VRK2: variants seen among roughly 807,000 people sequenced by gnomAD.
VRK2 encodes serine/threonine-protein kinase VRK2.
A neutral mutation model predicts 57.6 loss-of-function variants in VRK2; 60 were observed. The observed-to-expected ratio is 1.04, with a 90% CI of 0.85 to 1.29. The LOEUF is 1.29. Among genes scored for constraint, VRK2 ranks in the 50% most tolerant of loss-of-function variants. The probability of loss-of-function intolerance (pLI) is 0.00; values close to 1 mark genes in which losing one functional copy is unlikely to be tolerated. For missense variants in VRK2, 705 were observed against 588.1 expected, an observed-to-expected ratio of 1.20 and a Z score of -2.06; for synonymous variants, 231 against 199.2, an observed-to-expected ratio of 1.16 and a Z score of -1.35.
chr2:58,097,466 TACA>T (rs1673318168), intron 7 of VRK2, among the ~76,000 whole-genome samples: 1 of 152,170 alleles, frequency 6.6e-6, no homozygotes, highest in Admixed American at 6.6e-5. Context: ...TAGTACTTGC[TACA>T]ACAACAGTAG....
chr2:57,929,888 G>A (rs1179575852), intron 1 of VRK2, among the ~76,000 whole-genome samples: 1 of 152,066 alleles, frequency 6.6e-6, no homozygotes, highest in African/African-American at 2.4e-5. Flanking sequence ...GGGGCTGTTG[G>A]ACTCTGCCTG....
At chr2:58,008,082 C>A (rs999740023) in intron 1 of VRK2, among the ~76,000 whole-genome samples, 3 of 151,960 alleles carry the variant, frequency 2.0e-5, no homozygotes, top group African/African-American at 7.2e-5. Context: ...TTTTAAAGAA[C>A]TATAAGTTGT....
intron 1 of VRK2, among the ~76,000 whole-genome samples, chr2:58,001,363 G>A (rs1673083649): frequency 1.3e-5 from 2 of 152,056 alleles, no homozygotes; most frequent in Non-Finnish European, 2.9e-5. Context: ...TATTTTGTTT[G>A]GATTCATGCA....
chr2:58,120,440 C>T (rs1677304722), intron 7 of VRK2, among the ~76,000 whole-genome samples: 2 of 151,914 alleles, frequency 1.3e-5, no homozygotes, highest in South Asian at 2.1e-4. Context: ...ATCTGCCTAC[C>T]TTGGCCTCCC....
chr2:57,933,214 T>C (rs997743404), intron 1 of VRK2, among the ~76,000 whole-genome samples: 2 of 152,048 alleles, frequency 1.3e-5, no homozygotes, highest in African/African-American at 4.8e-5. Flanking sequence ...CAACATTTTG[T>C]TGTTTATTTT....
At chr2:58,048,219 G>A (rs1675157315) in intron 1 of VRK2, among the ~76,000 whole-genome samples, 2 of 152,204 alleles carry the variant, frequency 1.3e-5, no homozygotes, top group South Asian at 2.1e-4. Context: ...CTGAGAAAGA[G>A]GGTAAGAAGA....
intron 3 of VRK2, among the ~76,000 whole-genome samples, chr2:58,037,305 A>G (rs934946842): frequency 6.6e-6 from 1 of 152,042 alleles, no homozygotes; most frequent in African/African-American, 2.4e-5. Context: ...CAAGGTCTAT[A>G]ATGTCAAGGC....
At chr2:58,125,513 C>T (rs899182877) in intron 8 of VRK2, among the ~76,000 whole-genome samples, 1 of 152,008 alleles carries the variant, frequency 6.6e-6, no homozygotes, top group Non-Finnish European at 1.5e-5. Context: ...GATGGTGTTA[C>T]ATCCCTGGGG....
chr2:58,140,844 A>G (rs1476051822), intron 11 of VRK2, among the ~76,000 whole-genome samples: 3 of 152,074 alleles, frequency 2.0e-5, no homozygotes, highest in African/African-American at 4.8e-5. Context: ...TGACTGTGGT[A>G]TTGACATCTG....
chr2:58,016,040 T>G (rs920486443), intron 1 of VRK2, among the ~76,000 whole-genome samples: 7 of 152,170 alleles, frequency 4.6e-5, no homozygotes, highest in Non-Finnish European at 2.9e-5. Flanking sequence ...CTCCTCCTTT[T>G]TCTTGTTCTA....
At chr2:57,928,321 AG>A (rs1426694247) in intron 1 of VRK2, among the ~76,000 whole-genome samples, 2 of 152,016 alleles carry the variant, frequency 1.3e-5, no homozygotes, top group African/African-American at 4.8e-5. Context: ...TGCTGTTAAA[AG>A]ACTCTGATGC....
At chr2:58,127,711 T>C (rs778754214) in intron 8 of VRK2, among the ~76,000 whole-genome samples, 5 of 152,184 alleles carry the variant, frequency 3.3e-5, no homozygotes, top group African/African-American at 9.6e-5. Flanking sequence ...TGCTTTCTTA[T>C]TGTCTTTCTG....
chr2:58,102,256 C>A (rs1674076677), intron 7 of VRK2, among the ~76,000 whole-genome samples: 1 of 151,322 alleles, frequency 6.6e-6, no homozygotes, highest in South Asian at 2.1e-4. Context: ...TTAATATTAA[C>A]CTTGAATATA....
At chr2:58,108,629 G>A (rs981194992) in intron 7 of VRK2, among the ~76,000 whole-genome samples, 1 of 151,996 alleles carries the variant, frequency 6.6e-6, no homozygotes, top group Non-Finnish European at 1.5e-5. Context: ...GTCTCCATCT[G>A]TGGAAGTCTT....
intron 1 of VRK2, among the ~76,000 whole-genome samples, chr2:57,995,159 C>T (rs1316729639): frequency 6.6e-6 from 1 of 152,106 alleles, no homozygotes; most frequent in African/African-American, 2.4e-5. Flanking sequence ...GTGAATTTTC[C>T]ATACACTGTT....
At chr2:58,145,929 A>G (rs1558699055) in intron 11 of VRK2, among the ~76,000 whole-genome samples, 1 of 152,036 alleles carries the variant, frequency 6.6e-6, no homozygotes, top group Admixed American at 6.6e-5. Context: ...AGCTTCATCC[A>G]TGTCCCTACA....
chr2:57,915,080 TA>T (rs1670104690), intron 1 of VRK2, among the ~76,000 whole-genome samples: 1 of 152,198 alleles, frequency 6.6e-6, no homozygotes, highest in East Asian at 1.9e-4. Context: ...TATATTTACC[TA>T]AAAAGGACAA....
At chr2:58,045,734 T>G (rs541841573), upstream of VRK2, among the ~76,000 whole-genome samples, 1 of 151,858 alleles carries the variant, frequency 6.6e-6, no homozygotes, top group Admixed American at 6.6e-5. Flanking sequence ...CCTTTCAGTA[T>G]TTGTATCCCA....
intron 1 of VRK2, among the ~76,000 whole-genome samples, chr2:57,959,895 G>A (rs1480821136): frequency 6.6e-6 from 1 of 152,072 alleles, no homozygotes; most frequent in African/African-American, 2.4e-5. Context: ...ATAGGAGGTA[G>A]CCTTAGAGGG....
Sources: gnomAD v4.1 joint callset for allele counts (sites outside exome capture counted in the v4.1 genomes callset) on GRCh38, gnomAD v4.1.1 for gene constraint, MANE v1.5 for transcripts, NCBI Gene and HGNC (gene_info 2026-07-23, HGNC 2026-07-21) for gene names.